Variants in ZCCHC14 observed in about 807,000 individuals in gnomAD.
ZCCHC14 encodes zinc finger CCHC-type containing 14.
Under a neutral mutation model 85.0 loss-of-function variants are expected in ZCCHC14, and 16 were observed. The observed-to-expected ratio is 0.19, with a 90% CI of 0.13 to 0.29. ZCCHC14 has a LOEUF of 0.29. Ranked by LOEUF, ZCCHC14 falls within the 10% of genes least tolerant of loss-of-function variation. ZCCHC14 has a pLI of 1.00. For synonymous variants in ZCCHC14, 775 were observed against 630.7 expected (o/e 1.23, Z -3.43); for missense variants, 1,303 against 1,443.5 (o/e 0.90, Z 1.58).
At chr16:87,476,788 G>C (rs1428288226) in intron 1 of ZCCHC14, among the ~76,000 whole-genome samples, 2 of 151,878 alleles carry the variant, frequency 1.3e-5, no homozygotes, top group South Asian at 4.2e-4. Flanking sequence ...CTGGGCTGAC[G>C]GTCATACCGC....
chr16:87,467,650 G>C lies in ZCCHC14; in HGVS notation c.571-7519C>G, dbSNP rs536393589. ...TTGGGGACTCTGAATTTCCCTGGTC[G>C]AACGGTTTCTTTTTCTTTTGAGATG... On this transcript the variant is annotated intron_variant, in intron 1 of 12. Coordinates refer to ENST00000671377, the MANE Select transcript of ZCCHC14 (RefSeq NM_015144.3). The C allele has an allele frequency of 6.3e-6, 6 of 948,046 alleles. No individual in the cohort carries two copies. The Admixed American group carries it at 6.9e-5, about 11-fold the overall frequency. The allele number at this position is 948,046 out of a possible 1,614,324, so 58.7% of individuals were successfully genotyped here. A position where few individuals can be genotyped will look rare whatever the true frequency, so the allele number is the denominator to read the frequency against.
Position 87,420,558 on chromosome 16 carries a change from C to T in ZCCHC14, c.950+49G>A. ...ACCACAGCATTGACCACAGGACCAG[C>T]CTGTCCTTGCCAGCTGTGGACGCGC... On this transcript the variant is annotated intron_variant, in intron 5 of 12. Coordinates refer to ENST00000671377, the MANE Select transcript of ZCCHC14 (RefSeq NM_015144.3). The surrounding 1 kb of genome is among the most constrained non-coding windows in gnomAD (Gnocchi z 5.0). 6.7e-7 allele frequency: 1 copy of T among 1,486,710 alleles called. No homozygotes were observed. Among genetic ancestry groups the T allele is most frequent in the Non-Finnish European group, 9.2e-7 (1 of 1,085,238 alleles). 92.1% of individuals were successfully genotyped at this position (1,486,710 alleles called of 1,614,324 possible).
At chr16:87,424,498 C>T (rs903276175) in intron 3 of ZCCHC14, among the ~76,000 whole-genome samples, 3 of 152,162 alleles carry the variant, frequency 2.0e-5, no homozygotes, top group Non-Finnish European at 4.4e-5. Flanking sequence ...TGTGCCCAGC[C>T]CTTGTGAGCA....
chr16:87,420,295 C>T lies in ZCCHC14; in HGVS notation c.950+312G>A, dbSNP rs1909026109. The stretch of plus-strand genomic sequence containing the variant: ...ACTGTTTAAGAGACGCCAATTTTAT[C>T]TGGGAATAGTCTCAACCTTGGACTA... On this transcript the variant is annotated intron_variant, in intron 5 of 12. Transcript: ENST00000671377. This position sits in a 1 kb window ranked among gnomAD's most constrained non-coding sequence, Gnocchi z 5.0. 6.6e-6 allele frequency among the ~76,000 whole-genome samples: 1 copy of T among 152,230 alleles called. No homozygotes were observed. Among genetic ancestry groups the T allele is most frequent in the East Asian group, 1.9e-4 (1 of 5,200 alleles).
At chr16:87,485,984 A>G (rs1385280399) in intron 1 of ZCCHC14, among the ~76,000 whole-genome samples, 1 of 152,242 alleles carries the variant, frequency 6.6e-6, no homozygotes, top group East Asian at 1.9e-4. Flanking sequence ...TCATACCCAA[A>G]TATGACACAG....
At chr16:87,464,261 A>T (rs1359695532) in intron 1 of ZCCHC14, among the ~76,000 whole-genome samples, 1 of 152,198 alleles carries the variant, frequency 6.6e-6, no homozygotes, top group Non-Finnish European at 1.5e-5. Context: ...CCTCGACAGC[A>T]CACTGGAACA....
chr16:87,428,565 T>A (rs1022598208), intron 3 of ZCCHC14, among the ~76,000 whole-genome samples: 3 of 151,772 alleles, frequency 2.0e-5, no homozygotes, highest in Non-Finnish European at 4.4e-5. Flanking sequence ...ACAAAAGGAG[T>A]TGTAATGAAT....
At chr16:87,427,061 G>C (rs991436212) in intron 3 of ZCCHC14, among the ~76,000 whole-genome samples, 1 of 152,276 alleles carries the variant, frequency 6.6e-6, no homozygotes, top group Non-Finnish European at 1.5e-5. Flanking sequence ...TGTGGGGGAA[G>C]GAGCAGCTTT....
At chr16:87,471,560 C>G (rs1015171863) in intron 1 of ZCCHC14, 2 of 152,282 alleles carry the variant, frequency 1.3e-5, no homozygotes, top group Non-Finnish European at 2.9e-5. Flanking sequence ...GCAGCACGGC[C>G]TCCTCTAGGA....
intron 1 of ZCCHC14, among the ~76,000 whole-genome samples, chr16:87,479,521 T>C (rs1341230735): frequency 1.3e-5 from 2 of 152,136 alleles, no homozygotes; most frequent in East Asian, 3.8e-4. Flanking sequence ...GCCATAATGC[T>C]CCCTTCTAAA....
Position 87,417,801 on chromosome 16 carries a change from C to CA in ZCCHC14, c.1101-60dup. On this transcript the variant is annotated intron_variant, in intron 7 of 12. Coordinates refer to ENST00000671377, the MANE Select transcript of ZCCHC14 (RefSeq NM_015144.3). ...CTGTGGCTTCCACAACCACAGACTC[C>CA]ACCACAGACCTCACTTCCAGGCCTT... 12 of 1,483,886 alleles carry CA rather than the reference C, an allele frequency of 8.1e-6. No homozygotes were observed. In the South Asian group the frequency reaches 1.6e-4, roughly 20 times the overall value. 91.9% of individuals were successfully genotyped at this position (1,483,886 alleles called of 1,614,324 possible).
In ZCCHC14 at chr16:87,412,044, T is replaced by A. The variant is rs748476570; in HGVS notation, c.2677A>T (p.Ile893Phe). ...TGGTGGTTCGGATTCGAGGCAGGAA[T>A]GTTTCCTGTGGAGCCGCCACCGCCA... ...SSGGGGSTGN[I>F]PASNPNHHHH... The change falls in exon 12 of 13, where the codon ATT becomes TTT. Residue 893 changes from isoleucine to phenylalanine, a missense_variant. This residue lies in a region of ZCCHC14 where 797 missense variants were observed against 730.8 expected (regional missense o/e 1.09). Transcript: ENST00000671377. 1.2e-5 allele frequency: 20 copies of A among 1,609,338 alleles called. No individual in the cohort carries two copies. The highest frequency in any genetic ancestry group is 1.3e-5 in the Non-Finnish European group (15 of 1,179,904).
chr16:87,437,922 A>G (rs1447178765), intron 2 of ZCCHC14, among the ~76,000 whole-genome samples: 1 of 152,238 alleles, frequency 6.6e-6, no homozygotes, highest in Non-Finnish European at 1.5e-5. Context: ...ACTGCACCAC[A>G]CCACGGTGTT....
Position 87,476,595 on chromosome 16 carries a change from A to G in ZCCHC14, c.570+15074T>C, listed in dbSNP as rs558960753. Among the ~76,000 whole-genome samples, 5 of 152,208 alleles carry G rather than the reference A, an allele frequency of 3.3e-5. No individual in the cohort carries two copies. In the East Asian group the frequency reaches 9.7e-4, roughly 29 times the overall value. On this transcript the variant is annotated intron_variant, in intron 1 of 12. Coordinates refer to ENST00000671377, the MANE Select transcript of ZCCHC14 (RefSeq NM_015144.3). Reference sequence around the variant, plus strand: ...CTACAGTGTCATCTCTAGACCAGCCACTAAAATCATGCAACAAAGGAAGCC... The same window carrying G: ...CTACAGTGTCATCTCTAGACCAGCCGCTAAAATCATGCAACAAAGGAAGCC...
chr16:87,481,867 T>C (rs1356904852), intron 1 of ZCCHC14, among the ~76,000 whole-genome samples: 1 of 152,148 alleles, frequency 6.6e-6, no homozygotes, highest in Non-Finnish European at 1.5e-5. Flanking sequence ...AATGTATTTC[T>C]TACAGTTCTG....
chr16:87,469,908 G>A (rs1361215893), intron 1 of ZCCHC14, among the ~76,000 whole-genome samples: 2 of 152,192 alleles, frequency 1.3e-5, no homozygotes, highest in East Asian at 3.9e-4. Context: ...ATCTTCTCAA[G>A]TAGAGACTTT....
chr16:87,450,745 G>A (rs372049188), intron 2 of ZCCHC14, among the ~76,000 whole-genome samples: 32 of 151,720 alleles, frequency 2.1e-4, no homozygotes, highest in South Asian at 1.0e-3. Context: ...TTGTAGAGAC[G>A]GATTTTCACC....
rs553433511 is a variant in ZCCHC14, at chr16:87,466,163, G to A, written c.571-6032C>T. Among the ~76,000 whole-genome samples, 27 of 131,872 alleles carry A rather than the reference G, an allele frequency of 2.0e-4. No individual in the cohort carries two copies. The East Asian group carries it at 2.7e-3, about 13-fold the overall frequency. The allele number at this position is 131,872 out of a possible 152,430, so 86.5% of individuals were successfully genotyped here. A position where few individuals can be genotyped will look rare whatever the true frequency, so the allele number is the denominator to read the frequency against. On this transcript the variant is annotated intron_variant, in intron 1 of 12. Transcript: ENST00000671377. ...AAAAGGTTTGTCCTTAGTTCATGCC[G>A]CCTGACAGAAAAAAACCCAGCACCA...
intron 1 of ZCCHC14, among the ~76,000 whole-genome samples, chr16:87,484,555 G>T (rs1248266009): frequency 6.6e-6 from 1 of 152,226 alleles, no homozygotes; most frequent in South Asian, 2.1e-4. Flanking sequence ...ATCTAAGCGT[G>T]TATATGGTGT....
Sources: gnomAD v4.1 joint callset for allele counts (sites outside exome capture counted in the v4.1 genomes callset) on GRCh38, gnomAD v4.1.1 for gene constraint, gnomAD v4.1.1 regional missense constraint, Gnocchi (gnomAD v3.1) non-coding constraint, MANE v1.5 for transcripts, NCBI Gene and HGNC (gene_info 2026-07-23, HGNC 2026-07-21) for gene names.